Variants in KCNQ1 observed in about 807,000 individuals in gnomAD.
KCNQ1 encodes the protein potassium voltage-gated channel subfamily KQT member 1.
KCNQ1 carries 49 observed loss-of-function variants against 72.4 expected under a neutral mutation model. The observed-to-expected ratio is 0.68, with a 90% CI of 0.54 to 0.86. KCNQ1 has a LOEUF of 0.86. Ranked by LOEUF, KCNQ1 falls within the 40% of genes least tolerant of loss-of-function variation. The pLI is 0.00. For missense variants in KCNQ1, 790 were observed against 945.1 expected (o/e 0.84, Z 2.15); for synonymous variants, 450 against 412.6 (o/e 1.09, Z -1.10).
intron 11 of KCNQ1, chr11:2,689,573 T>C: frequency 2.5e-6 from 1 of 398,666 alleles, no homozygotes; most frequent in East Asian, 3.6e-5. Context: ...TGTGGAAATC[T>C]GTTAGCAGTG....
rs1249313385 is a variant in KCNQ1, at chr11:2,563,671, C to G, written c.478-6957C>G. Among the ~76,000 whole-genome samples the G allele has an allele frequency of 6.6e-6, 1 of 151,934 alleles. No homozygotes were observed. The highest frequency in any genetic ancestry group is 2.4e-5 in the African/African-American group (1 of 41,358). Reference sequence around the variant, plus strand: ...GTGTCCCGTTGGCATCCAGGGCCCCCCGTGAAGGATGGCACCGAGCACCAT... The same window carrying G: ...GTGTCCCGTTGGCATCCAGGGCCCCGCGTGAAGGATGGCACCGAGCACCAT... On this transcript the variant is annotated intron_variant, in intron 2 of 15. Coordinates refer to ENST00000155840, the MANE Select transcript of KCNQ1 (RefSeq NM_000218.3). The surrounding 1 kb of genome is among the most constrained non-coding windows in gnomAD (Gnocchi z 7.4).
In KCNQ1 at chr11:2,660,498, T is replaced by C. The variant is rs1278463874; in HGVS notation, c.1394-1463T>C. 22 of 398,506 alleles carry C rather than the reference T, an allele frequency of 5.5e-5. No individual in the cohort carries two copies. The Admixed American group carries it at 9.7e-4, about 18-fold the overall frequency. The allele number at this position is 398,506 out of a possible 1,614,324, so 24.7% of individuals were successfully genotyped here. A position where few individuals can be genotyped will look rare whatever the true frequency, so the allele number is the denominator to read the frequency against. On this transcript the variant is annotated intron_variant, in intron 10 of 15. Coordinates refer to ENST00000155840, the MANE Select transcript of KCNQ1 (RefSeq NM_000218.3). ...GACTGGGGAAGCTATCTATGCCTCA[T>C]ATAACAAGGAGTTAATGTCTGTAAT...
chr11:2,623,722 C>T lies in KCNQ1; in HGVS notation c.1393+34868C>T. 2.5e-6 allele frequency: 1 copy of T among 398,556 alleles called. No homozygotes were observed. The highest frequency in any genetic ancestry group is 1.3e-4 in the South Asian group (1 of 7,862). The allele number at this position is 398,556 out of a possible 1,614,324, so 24.7% of individuals were successfully genotyped here. ...ATTTCAACAATCACAAATAAAGCTT[C>T]TGTAAACATCTCTGTGCAGATTTTT... On this transcript the variant is annotated intron_variant, in intron 10 of 15. Coordinates refer to ENST00000155840, the MANE Select transcript of KCNQ1 (RefSeq NM_000218.3). The surrounding 1 kb of genome is among the most constrained non-coding windows in gnomAD (Gnocchi z 5.2).
At chr11:2,542,217 G>T (rs1847838454) in intron 2 of KCNQ1, among the ~76,000 whole-genome samples, 1 of 152,254 alleles carries the variant, frequency 6.6e-6, no homozygotes, top group Non-Finnish European at 1.5e-5. Context: ...TGTGCCGAGG[G>T]TGTGGGGACA....
In KCNQ1 at chr11:2,665,319, G is replaced by A. The variant is rs1850046786; in HGVS notation, c.1514+3238G>A. 5 of 398,188 alleles carry A rather than the reference G, an allele frequency of 1.3e-5. No individual in the cohort carries two copies. In the South Asian group the frequency reaches 6.4e-4, roughly 51 times the overall value. 24.7% of individuals were successfully genotyped at this position (398,188 alleles called of 1,614,324 possible). A position where few individuals can be genotyped will look rare whatever the true frequency, so the allele number is the denominator to read the frequency against. ...TGACAGGGCTTCTGAGAGAAAGGTG[G>A]GAAGTAGAGACTGTAGGCCTGCATG... is the stretch of plus-strand genomic sequence containing the variant. On this transcript the variant is annotated intron_variant, in intron 11 of 15. Transcript: ENST00000155840.
intron 15 of KCNQ1, among the ~76,000 whole-genome samples, chr11:2,837,036 G>A (rs574335200): frequency 3.3e-5 from 5 of 152,204 alleles, no homozygotes; most frequent in Non-Finnish European, 5.9e-5. Context: ...CAGAGAGCCC[G>A]TGGGCTGGGG....
In KCNQ1 at chr11:2,492,802, T is replaced by C. The variant is rs1006661562; in HGVS notation, c.387-35126T>C. ...AAGTCTTTGCTATTGTAAATAGTGG[T>C]GCAGTAAACATATGTGTGCATGTGT... is the stretch of plus-strand genomic sequence containing the variant. On this transcript the variant is annotated intron_variant, in intron 1 of 15. Transcript: ENST00000155840. This position sits in a 1 kb window ranked among gnomAD's most constrained non-coding sequence, Gnocchi z 4.1. Among the ~76,000 whole-genome samples, 1 of 152,236 alleles carries C rather than the reference T, an allele frequency of 6.6e-6. No homozygotes were observed. The highest frequency in any genetic ancestry group is 2.4e-5 in the African/African-American group (1 of 41,454).
chr11:2,652,830 G>C lies in KCNQ1; in HGVS notation c.1394-9131G>C, dbSNP rs562136895. ...CTGCAGAGACATTTCCGTTCACTCTGAGATTTGTGTATGCTGAGGCTTGCT... is the reference window on the plus strand; with the variant it reads ...CTGCAGAGACATTTCCGTTCACTCTCAGATTTGTGTATGCTGAGGCTTGCT... On this transcript the variant is annotated intron_variant, in intron 10 of 15. Coordinates refer to ENST00000155840, the MANE Select transcript of KCNQ1 (RefSeq NM_000218.3). This position sits in a 1 kb window ranked among gnomAD's most constrained non-coding sequence, Gnocchi z 5.9. 2.5e-6 allele frequency: 1 copy of C among 398,886 alleles called. No individual in the cohort carries two copies. The highest frequency in any genetic ancestry group is 4.4e-6 in the Non-Finnish European group (1 of 226,268). The allele number at this position is 398,886 out of a possible 1,614,324, so 24.7% of individuals were successfully genotyped here.
At chr11:2,573,893 C>A (rs901949831) in intron 6 of KCNQ1, among the ~76,000 whole-genome samples, 1 of 152,206 alleles carries the variant, frequency 6.6e-6, no homozygotes, top group Non-Finnish European at 1.5e-5. Flanking sequence ...GCTGCAGGCT[C>A]CCCAAGTCCC....
chr11:2,607,037 G>A (rs1029373644), intron 10 of KCNQ1, among the ~76,000 whole-genome samples: 2 of 151,608 alleles, frequency 1.3e-5, no homozygotes, highest in Non-Finnish European at 2.9e-5. Context: ...CGAGTAGCTG[G>A]GACTACAGGC....
At chr11:2,792,682 C>T (rs934035928) in intron 15 of KCNQ1, among the ~76,000 whole-genome samples, 8 of 152,218 alleles carry the variant, frequency 5.3e-5, no homozygotes, top group Non-Finnish European at 8.8e-5. Flanking sequence ...TTGGCAACAG[C>T]AGGAGGCACT....
At chr11:2,708,721 G>T (rs1048693382) in intron 11 of KCNQ1, among the ~76,000 whole-genome samples, 1 of 152,120 alleles carries the variant, frequency 6.6e-6, no homozygotes, top group African/African-American at 2.4e-5. Context: ...GGTTGCGGGG[G>T]GCGGTCCATT....
At chr11:2,489,500 G>C (rs974860476) in intron 1 of KCNQ1, among the ~76,000 whole-genome samples, 3 of 151,976 alleles carry the variant, frequency 2.0e-5, no homozygotes, top group Non-Finnish European at 4.4e-5. Context: ...TCCTAGGCAA[G>C]TCCTATTGCT....
chr11:2,667,703 G>C, intron 11 of KCNQ1: 1 of 398,786 alleles, frequency 2.5e-6, no homozygotes, highest in Non-Finnish European at 4.4e-6. Flanking sequence ...ACCTAGTCAG[G>C]AAGTCTGGAA....
intron 1 of KCNQ1, 33 bp downstream of exon 1, chr11:2,445,517 A>G (rs567761217): frequency 1.3e-6 from 2 of 1,582,948 alleles, no homozygotes; most frequent in African/African-American, 2.7e-5. Flanking sequence ...GCCGGCACGA[A>G]GGTGCTTCCT....
chr11:2,551,323 G>T (rs1269610421), intron 2 of KCNQ1, among the ~76,000 whole-genome samples: 1 of 152,194 alleles, frequency 6.6e-6, no homozygotes, highest in Non-Finnish European at 1.5e-5. Context: ...CCATGGTTTT[G>T]CCTTTTCCAG....
chr11:2,743,196 G>A (rs1846084912), intron 11 of KCNQ1, among the ~76,000 whole-genome samples: 1 of 152,148 alleles, frequency 6.6e-6, no homozygotes, highest in African/African-American at 2.4e-5. Context: ...GGGATGACTG[G>A]TGTGAGCCCA....
chr11:2,845,248 T>A (rs1590127894), intron 15 of KCNQ1, among the ~76,000 whole-genome samples: 1 of 144,238 alleles, frequency 6.9e-6, no homozygotes, highest in Admixed American at 6.8e-5. Context: ...GCTCCCTACC[T>A]GACACACTGT....
rs1269633861 is a variant in KCNQ1 at position 2,484,667 on chromosome 11, A to G, written c.386+39183A>G. On this transcript the variant is annotated intron_variant, in intron 1 of 15. Coordinates refer to ENST00000155840, the MANE Select transcript of KCNQ1 (RefSeq NM_000218.3). The surrounding 1 kb of genome is among the most constrained non-coding windows in gnomAD (Gnocchi z 5.2). Reference sequence around the variant, plus strand: ...TCTCCAAGGAGCCAGGGTTCCTTCCATTGGAGAGTGGTCTTTAGAAACCCA... The same window carrying G: ...TCTCCAAGGAGCCAGGGTTCCTTCCGTTGGAGAGTGGTCTTTAGAAACCCA... 6.6e-6 allele frequency among the ~76,000 whole-genome samples: 1 copy of G among 152,004 alleles called. No homozygotes were observed. Among genetic ancestry groups the G allele is most frequent in the Non-Finnish European group, 1.5e-5 (1 of 68,006 alleles).
Sources: allele counts gnomAD v4.1 joint callset (sites outside exome capture counted in the v4.1 genomes callset), GRCh38; gene constraint gnomAD v4.1.1; non-coding constraint Gnocchi (gnomAD v3.1); transcripts MANE v1.5; gene names NCBI Gene and HGNC (gene_info 2026-07-23, HGNC 2026-07-21).